Variants in ABCA13 observed in about 807,000 individuals in gnomAD.
The protein encoded by ABCA13 is ATP binding cassette subfamily A member 13, also known as ATP-binding cassette sub-family A member 13.
Under a neutral mutation model 478.7 loss-of-function variants are expected in ABCA13, and 476 were observed. The observed-to-expected ratio is 0.99, with a 90% CI of 0.92 to 1.07. The LOEUF is 1.07. ABCA13 is among the 50% of genes least tolerant of loss of function. The pLI, the probability that ABCA13 is intolerant of heterozygous loss-of-function variation, is 0.00. For missense variants in ABCA13, 6,060 were observed against 5,910.6 expected (o/e 1.03, Z -0.83); for synonymous variants, 2,252 against 2,158.9 (o/e 1.04, Z -1.20).
At chr7:48,424,403 G>A (rs770410205) in intron 41 of ABCA13, among the ~76,000 whole-genome samples, 2 of 152,238 alleles carry the variant, frequency 1.3e-5, no homozygotes, top group Non-Finnish European at 2.9e-5. Context: ...AAGGAATACA[G>A]TGAGAACTCA....
intron 37 of ABCA13, 70 bp from the exon 38 acceptor site, chr7:48,391,851 C>A (rs902355226): frequency 6.9e-7 from 1 of 1,452,424 alleles, no homozygotes; most frequent in Non-Finnish European, 9.5e-7. Flanking sequence ...CATCCTGGAG[C>A]TGACTGGATT....
chr7:48,267,482 C>G (rs1234715437), intron 15 of ABCA13, among the ~76,000 whole-genome samples: 1 of 152,020 alleles, frequency 6.6e-6, no homozygotes, highest in Non-Finnish European at 1.5e-5. Flanking sequence ...TATGCCTTTT[C>G]CATCCTTTTA....
At chr7:48,393,048 C>T (rs545223292) in intron 38 of ABCA13, among the ~76,000 whole-genome samples, 1 of 152,194 alleles carries the variant, frequency 6.6e-6, no homozygotes, top group East Asian at 1.9e-4. Flanking sequence ...AAGGCAAAAT[C>T]CAGGCAGTGT....
At chr7:48,321,467 C>T (rs1288727467) in intron 27 of ABCA13, among the ~76,000 whole-genome samples, 1 of 152,184 alleles carries the variant, frequency 6.6e-6, no homozygotes, top group Non-Finnish European at 1.5e-5. Context: ...GAGCTGCAAG[C>T]TGAGGGCCTT....
intron 59 of ABCA13, among the ~76,000 whole-genome samples, chr7:48,625,634 A>G (rs1278732986): frequency 6.6e-6 from 1 of 152,182 alleles, no homozygotes; most frequent in Admixed American, 6.5e-5. Flanking sequence ...CATTGCTCTG[A>G]CATAATTAGC....
chr7:48,469,578 T>C (rs1235267372), intron 44 of ABCA13, among the ~76,000 whole-genome samples: 1 of 152,148 alleles, frequency 6.6e-6, no homozygotes, highest in Non-Finnish European at 1.5e-5. Flanking sequence ...GCTTTTGTTC[T>C]CTTAAGGCAA....
Position 48,279,839 on chromosome 7 carries a change from C to A in ABCA13, c.8645C>A (p.Pro2882Gln). ...ATTGACTTTCCTTATAGTTTCAAAC[C>A]ATTTTTCTGTTTGGAGAAATACCTG... ...EMIDFPYSFK[P>Q]FFCLEKYLGG... Residue 2882 changes from proline (P) to glutamine (Q), a missense_variant, in exon 18 of 62, where the codon CCA becomes CAA. Coordinates refer to ENST00000435803, the MANE Select transcript of ABCA13 (RefSeq NM_152701.5). The A allele has an allele frequency of 6.3e-7, 1 of 1,575,436 alleles. No individual in the cohort carries two copies. The highest frequency in any genetic ancestry group is 1.2e-5 in the South Asian group (1 of 83,348).
intron 35 of ABCA13, among the ~76,000 whole-genome samples, chr7:48,387,563 C>G (rs1187249959): frequency 6.6e-6 from 1 of 152,094 alleles, no homozygotes; most frequent in Non-Finnish European, 1.5e-5. Flanking sequence ...TATTGAACCC[C>G]TACTCTAAAG....
chr7:48,631,719 T>G (rs2131639262), intron 59 of ABCA13, among the ~76,000 whole-genome samples: 1 of 152,218 alleles, frequency 6.6e-6, no homozygotes, highest in African/African-American at 2.4e-5. Context: ...GATATTGGAA[T>G]TTTGATAGGA....
chr7:48,434,436 A>AT (rs955294530), intron 42 of ABCA13, among the ~76,000 whole-genome samples: 12 of 151,586 alleles, frequency 7.9e-5, no homozygotes, highest in African/African-American at 2.4e-5. Context: ...ATAATCTGCA[A>AT]TTTTTTTCTC....
chr7:48,241,197 G>A, intron 10 of ABCA13, 131 bp downstream of exon 10: 2 of 1,126,684 alleles, frequency 1.8e-6, no homozygotes, highest in Non-Finnish European at 2.5e-6. Context: ...TTAGCAAATG[G>A]GAAATCAGAG....
chr7:48,251,632 G>T (rs1004261972), intron 15 of ABCA13, among the ~76,000 whole-genome samples: 22 of 151,882 alleles, frequency 1.4e-4, no homozygotes, highest in Admixed American at 1.4e-3. Context: ...GTCTTATTAA[G>T]AAACGGAATT....
chr7:48,355,257 G>A (rs75099463), intron 31 of ABCA13, among the ~76,000 whole-genome samples: 5,592 of 152,006 alleles, frequency 0.037, 167 homozygotes, highest in East Asian at 0.15. Flanking sequence ...CTATCAGGAA[G>A]GTAGCATTTT....
chr7:48,282,721 G>A (rs1797213428), intron 19 of ABCA13, among the ~76,000 whole-genome samples: 1 of 152,130 alleles, frequency 6.6e-6, no homozygotes, highest in Admixed American at 6.6e-5. Flanking sequence ...TAGATTACGT[G>A]TTATTTCCTC....
At chr7:48,614,713 T>G (rs1412647364) in intron 58 of ABCA13, among the ~76,000 whole-genome samples, 20 of 150,454 alleles carry the variant, frequency 1.3e-4, no homozygotes, top group African/African-American at 3.9e-4. Context: ...CCATAAAAAA[T>G]GATGAGTTCA....
chr7:48,608,370 C>G (rs1034922310), intron 58 of ABCA13, among the ~76,000 whole-genome samples: 8 of 152,228 alleles, frequency 5.3e-5, no homozygotes, highest in African/African-American at 1.9e-4. Context: ...CCTAACTTTA[C>G]TGGCTCCTTT....
At chr7:48,565,841 A>G (rs1787003587) in intron 55 of ABCA13, among the ~76,000 whole-genome samples, 1 of 152,084 alleles carries the variant, frequency 6.6e-6, no homozygotes, top group Non-Finnish European at 1.5e-5. Flanking sequence ...CCTAACAAAC[A>G]CATGGCCCAT....
intron 55 of ABCA13, among the ~76,000 whole-genome samples, chr7:48,562,076 C>T (rs548237160): frequency 1.7e-4 from 25 of 148,192 alleles, no homozygotes; most frequent in East Asian, 2.0e-4. Context: ...CTCTGTGAGC[C>T]GGGGTTCAGA....
At chr7:48,532,895 C>CTTT (rs1462026235) in intron 55 of ABCA13, among the ~76,000 whole-genome samples, 1 of 151,898 alleles carries the variant, frequency 6.6e-6, no homozygotes, top group Admixed American at 6.6e-5. Context: ...CTTCTCTCTT[C>CTTT]TTTTCTTGGT....
Sources: allele counts gnomAD v4.1 joint callset (sites outside exome capture counted in the v4.1 genomes callset), GRCh38; gene constraint gnomAD v4.1.1; transcripts MANE v1.5; gene names NCBI Gene and HGNC (gene_info 2026-07-23, HGNC 2026-07-21).